Variants in TMEM53 observed in about 807,000 individuals in gnomAD.
The protein encoded by TMEM53 is transmembrane protein 53.
TMEM53 carries 14 observed loss-of-function variants against 21.4 expected under a neutral mutation model. The ratio of observed to expected loss-of-function variants is 0.65; its 90% CI spans 0.43 to 1.02. The LOEUF is 1.02. TMEM53 is among the 50% of genes least tolerant of loss of function. The pLI is 0.00. For synonymous variants in TMEM53, 148 were observed against 157.4 expected (o/e 0.94, Z 0.45); for missense variants, 323 against 383.6 (o/e 0.84, Z 1.32).
chr1:44,658,303 C>T (rs1053941639), intron 2 of TMEM53, among the ~76,000 whole-genome samples: 11 of 152,128 alleles, frequency 7.2e-5, no homozygotes, highest in Non-Finnish European at 1.5e-4. Context: ...CCCCCCTCTA[C>T]CCAGGAGGTG....
intron 2 of TMEM53, 130 bp downstream of exon 2, chr1:44,660,044 G>C: frequency 1.7e-6 from 2 of 1,171,506 alleles, no homozygotes; most frequent in Non-Finnish European, 2.4e-6. Context: ...TTTTAGTAGA[G>C]ACAGGGTTTG....
At chr1:44,673,097 T>G (rs1219786974) in intron 1 of TMEM53, among the ~76,000 whole-genome samples, 1 of 152,228 alleles carries the variant, frequency 6.6e-6, no homozygotes, top group African/African-American at 2.4e-5. Flanking sequence ...ATTAACTGAC[T>G]TCATGGCTTG....
chr1:44,658,275 C>T (rs2148530198), intron 2 of TMEM53, among the ~76,000 whole-genome samples: 1 of 152,216 alleles, frequency 6.6e-6, no homozygotes, highest in African/African-American at 2.4e-5. Flanking sequence ...TTCTAGTGTT[C>T]CGGTCTCAAA....
intron 1 of TMEM53, among the ~76,000 whole-genome samples, chr1:44,671,800 G>T (rs559200621): frequency 6.6e-6 from 1 of 152,146 alleles, no homozygotes; most frequent in Non-Finnish European, 1.5e-5. Flanking sequence ...ATGGTGGCGG[G>T]TGCCTGTAGT....
chr1:44,672,995 GA>G (rs1391706012), intron 1 of TMEM53, among the ~76,000 whole-genome samples: 1 of 152,242 alleles, frequency 6.6e-6, no homozygotes, highest in African/African-American at 2.4e-5. Flanking sequence ...ACATGGAGCT[GA>G]AATGTGAACC....
intron 2 of TMEM53, among the ~76,000 whole-genome samples, chr1:44,659,762 G>T (rs1380159292): frequency 2.0e-5 from 3 of 152,106 alleles, no homozygotes; most frequent in African/African-American, 7.2e-5. Flanking sequence ...GAAGCCATCA[G>T]GAGACCAAAG....
At chr1:44,673,006 C>T (rs1488023752) in intron 1 of TMEM53, among the ~76,000 whole-genome samples, 1 of 152,232 alleles carries the variant, frequency 6.6e-6, no homozygotes, top group Non-Finnish European at 1.5e-5. Context: ...AAATGTGAAC[C>T]AGGACCACGA....
In TMEM53 at chr1:44,653,272, T is replaced by C. The variant is rs1644816817; in HGVS notation, c.*1287A>G. ...CTCATTCAATCAAATATTTATTGAATACCTACTATATGCCAACATTGTGCA... is the reference window on the plus strand; with the variant it reads ...CTCATTCAATCAAATATTTATTGAACACCTACTATATGCCAACATTGTGCA... On this transcript the variant is annotated 3_prime_UTR_variant, in exon 3 of 3. Coordinates refer to ENST00000372237, the MANE Select transcript of TMEM53 (RefSeq NM_024587.4). The C allele has an allele frequency of 6.6e-6, 1 of 152,248 alleles. No individual in the cohort carries two copies. Among genetic ancestry groups the C allele is most frequent in the South Asian group, 2.1e-4 (1 of 4,832 alleles). The allele number at this position is 152,248 out of a possible 1,614,324, so 9.4% of individuals were successfully genotyped here.
At chr1:44,663,421 AG>A (rs1644918801) in intron 1 of TMEM53, among the ~76,000 whole-genome samples, 1 of 152,086 alleles carries the variant, frequency 6.6e-6, no homozygotes, top group Non-Finnish European at 1.5e-5. Context: ...TTGTATTTTC[AG>A]TAGAGATGGG....
chr1:44,663,216 G>A (rs958477628), intron 1 of TMEM53, among the ~76,000 whole-genome samples: 4 of 152,096 alleles, frequency 2.6e-5, no homozygotes, highest in South Asian at 2.1e-4. Flanking sequence ...ACCATGGCCC[G>A]GCTCATTTAA....
At chr1:44,668,401 C>T (rs968828185) in intron 1 of TMEM53, among the ~76,000 whole-genome samples, 4 of 151,366 alleles carry the variant, frequency 2.6e-5, no homozygotes, top group African/African-American at 4.9e-5. Flanking sequence ...CCAGCCTGGG[C>T]GACAGAACGA....
chr1:44,671,537 G>C (rs946721306), intron 1 of TMEM53, among the ~76,000 whole-genome samples: 1 of 152,230 alleles, frequency 6.6e-6, no homozygotes, highest in Non-Finnish European at 1.5e-5. Context: ...TGCGATAGGA[G>C]GACTGCTTGA....
At chr1:44,671,529 C>T (rs983206774) in intron 1 of TMEM53, among the ~76,000 whole-genome samples, 4 of 151,914 alleles carry the variant, frequency 2.6e-5, no homozygotes, top group African/African-American at 9.7e-5. Context: ...TGGGAGGCTG[C>T]GATAGGAGGA....
intron 1 of TMEM53, among the ~76,000 whole-genome samples, chr1:44,664,912 G>A (rs780818234): frequency 4.7e-4 from 71 of 152,072 alleles, no homozygotes; most frequent in Non-Finnish European, 7.2e-4. Flanking sequence ...CCCACTATCC[G>A]GACCAGCGTG....
Position 44,653,857 on chromosome 1 carries a change from T to G in TMEM53, c.*702A>C, listed in dbSNP as rs377763079. ...GGTAACAGGCACAAAGTTTCAGTTATGCAAGATGATGAAGTTCTGAATTAT... is the reference window on the plus strand; with the variant it reads ...GGTAACAGGCACAAAGTTTCAGTTAGGCAAGATGATGAAGTTCTGAATTAT... On this transcript the variant is annotated 3_prime_UTR_variant, in exon 3 of 3. Coordinates refer to ENST00000372237, the MANE Select transcript of TMEM53 (RefSeq NM_024587.4). 1 of 152,276 alleles carries G rather than the reference T, an allele frequency of 6.6e-6. No homozygotes were observed. The highest frequency in any genetic ancestry group is 1.5e-5 in the Non-Finnish European group (1 of 68,052). The allele number at this position is 152,276 out of a possible 1,614,324, so 9.4% of individuals were successfully genotyped here.
In TMEM53 at chr1:44,655,198, T is replaced by C. The variant is rs1211025199; in HGVS notation, c.195A>G (p.Val65=). Residue 65 remains valine (V), a synonymous_variant, in exon 3 of 3, where the codon GTA becomes GTG. Coordinates refer to ENST00000372237, the MANE Select transcript of TMEM53 (RefSeq NM_024587.4). The surrounding 1 kb of genome is among the most constrained non-coding windows in gnomAD (Gnocchi z 4.4). ...SAIYHKRGCI[V]IRYTAPWHMV... ...TGTGCCACGGGGCTGTGTATCGGAT[T>C]ACGATGCAGCCCTGGGGAGAGAGGC... The C allele has an allele frequency of 6.2e-7, 1 of 1,605,518 alleles. No homozygotes were observed. The highest frequency in any genetic ancestry group is 8.5e-7 in the Non-Finnish European group (1 of 1,175,514).
At chr1:44,656,240 G>A (rs186251699) in intron 2 of TMEM53, among the ~76,000 whole-genome samples, 86 of 151,954 alleles carry the variant, frequency 5.7e-4, no homozygotes, top group African/African-American at 2.0e-3. Context: ...CGGTGAAATT[G>A]GGATAACACC....
intron 1 of TMEM53, 89 bp downstream of exon 1, chr1:44,674,239 GGCC>G: frequency 6.7e-7 from 1 of 1,501,710 alleles, no homozygotes. Context: ...GGGAGGGCGG[GGCC>G]GCATGAGGGG....
chr1:44,674,286 C>G (rs558125316), intron 1 of TMEM53, 45 bp downstream of exon 1: 2 of 1,579,424 alleles, frequency 1.3e-6, no homozygotes, highest in African/African-American at 1.4e-5. Context: ...CCCACAGGTT[C>G]ATGAGGTCAC....
Sources: allele counts gnomAD v4.1 joint callset (sites outside exome capture counted in the v4.1 genomes callset), GRCh38; gene constraint gnomAD v4.1.1; non-coding constraint Gnocchi (gnomAD v3.1); transcripts MANE v1.5; gene names NCBI Gene and HGNC (gene_info 2026-07-23, HGNC 2026-07-21).